The following POLN variants were observed in gnomAD, a reference collection of about 807,000 sequenced individuals.
POLN encodes DNA polymerase N.
Under a neutral mutation model 113.5 loss-of-function variants are expected in POLN, and 108 were observed. The ratio of observed to expected loss-of-function variants is 0.95; its 90% confidence interval spans 0.81 to 1.12. The LOEUF is 1.12. Ranked by LOEUF, POLN falls within the 50% of genes most tolerant of loss-of-function variation. The pLI is 0.00. For missense variants in POLN, 1,097 were observed against 1,077.1 expected, an observed-to-expected ratio of 1.02 and a Z score of -0.26; for synonymous variants, 386 against 391.5, an observed-to-expected ratio of 0.99 and a Z score of 0.17.
chr4:2,239,498 T>C (rs1440785294), intron 2 of POLN, among the ~76,000 whole-genome samples: 1 of 152,224 alleles, frequency 6.6e-6, no homozygotes, highest in African/African-American at 2.4e-5. Flanking sequence ...GATATTCTGA[T>C]TCAGAAAAGT....
At position 2,171,301 on chromosome 4, in the gene POLN, C is replaced by A. The variant is rs954810340; in HGVS notation, c.1375-120G>T. On this transcript the variant is annotated intron_variant, in intron 11 of 25. Transcript: ENST00000511885. ...GGCACGGTGGCTTATGCCTGTGATA[C>A]CAGCCCTTTGGGAGGCTGAGGCAGG... The A allele has an allele frequency of 3.7e-6, 3 of 820,834 alleles. No individual in the cohort carries two copies. In the African/African-American group the frequency reaches 5.3e-5, roughly 14 times the overall value. The allele number at this position is 820,834 out of a possible 1,614,324, so 50.8% of individuals were successfully genotyped here.
intron 3 of POLN, among the ~76,000 whole-genome samples, chr4:2,216,764 T>C (rs998883959): frequency 6.6e-6 from 1 of 152,192 alleles, no homozygotes; most frequent in African/African-American, 2.4e-5. Flanking sequence ...AGGGGTTCAG[T>C]GTTGTCAAAT....
chr4:2,080,599 G>C, intron 23 of POLN: 1 of 1,212,272 alleles, frequency 8.2e-7, no homozygotes, highest in Middle Eastern at 3.6e-4. Context: ...CAGGGGTGGG[G>C]GCAGTTTGGA....
intron 7 of POLN, among the ~76,000 whole-genome samples, chr4:2,183,546 TG>T (rs1733195067): frequency 1.3e-5 from 2 of 152,166 alleles, no homozygotes; most frequent in Non-Finnish European, 2.9e-5. Flanking sequence ...TCAGGCTAAA[TG>T]AAATAAGCTA....
At chr4:2,080,935 CT>C in intron 23 of POLN, 22 bp downstream of exon 23, 1 of 1,613,784 alleles carries the variant, frequency 6.2e-7, no homozygotes, top group Non-Finnish European at 8.5e-7. Flanking sequence ...CATCCAAGCC[CT>C]GGGAGACCAC....
At chr4:2,161,826 A>G (rs201483946) in intron 13 of POLN, among the ~76,000 whole-genome samples, 27 of 152,270 alleles carry the variant, frequency 1.8e-4, no homozygotes, top group East Asian at 5.8e-4. Context: ...GTTTGTAAAT[A>G]CACCAATCAG....
intron 16 of POLN, among the ~76,000 whole-genome samples, chr4:2,145,540 A>G (rs1215217291): frequency 6.6e-6 from 1 of 152,260 alleles, no homozygotes; most frequent in Admixed American, 6.5e-5. Context: ...ACAAATAAAC[A>G]TAAAAATACA....
chr4:2,094,675 T>C (rs1251746712), intron 20 of POLN, among the ~76,000 whole-genome samples: 1 of 152,100 alleles, frequency 6.6e-6, no homozygotes, highest in Admixed American at 6.5e-5. Flanking sequence ...GGTGTTCCCA[T>C]AGAGGGAAGA....
At chr4:2,171,047 A>T in intron 12 of POLN, 51 bp downstream of exon 12, 1 of 1,451,046 alleles carries the variant, frequency 6.9e-7, no homozygotes, top group South Asian at 1.2e-5. Flanking sequence ...ATCTCCCTTT[A>T]ACTCCTGAAT....
chr4:2,081,366 C>A, intron 22 of POLN: 1 of 640,410 alleles, frequency 1.6e-6, no homozygotes, highest in Non-Finnish European at 2.7e-6. Context: ...CCTCAGTTTC[C>A]CACCACAGAG....
chr4:2,119,414 T>C (rs1022178092), intron 19 of POLN, among the ~76,000 whole-genome samples: 5 of 67,354 alleles, frequency 7.4e-5, no homozygotes, highest in Non-Finnish European at 1.5e-4. Flanking sequence ...TGTGTGTGCA[T>C]GTGTGTGCAC....
At chr4:2,116,440 G>T (rs1731319664) in intron 19 of POLN, among the ~76,000 whole-genome samples, 1 of 151,970 alleles carries the variant, frequency 6.6e-6, no homozygotes, top group African/African-American at 2.4e-5. Flanking sequence ...GAGAAGTTCA[G>T]AAAACTGATT....
In POLN at chr4:2,126,116, G is replaced by A. The variant is rs759121881; in HGVS notation, c.1982+1997C>T. ...AGCTGGCCTTGGCTCCTGGTGCCCT[G>A]GACCCCACCATGTGCTGTGCTCGTC... On this transcript the variant is annotated intron_variant, in intron 19 of 25. Transcript: ENST00000511885. The surrounding 1 kb of genome is among the most constrained non-coding windows in gnomAD (Gnocchi z 4.6). Among the ~76,000 whole-genome samples, 6 of 152,142 alleles carry A rather than the reference G, an allele frequency of 3.9e-5. No homozygotes were observed. Among genetic ancestry groups the A allele is most frequent in the Non-Finnish European group, 7.4e-5 (5 of 68,024 alleles).
chr4:2,113,293 G>A (rs1340937444), intron 19 of POLN, among the ~76,000 whole-genome samples: 19 of 149,738 alleles, frequency 1.3e-4, no homozygotes, highest in South Asian at 6.5e-4. Flanking sequence ...GCTAAATGAC[G>A]AGTTAATGGG....
At chr4:2,086,461 C>A (rs1730553006) in intron 20 of POLN, among the ~76,000 whole-genome samples, 1 of 152,094 alleles carries the variant, frequency 6.6e-6, no homozygotes, top group African/African-American at 2.4e-5. Flanking sequence ...GCCTGACCCA[C>A]ATTAAAGCCC....
chr4:2,220,086 G>C (rs1734218282), intron 3 of POLN, among the ~76,000 whole-genome samples: 1 of 151,980 alleles, frequency 6.6e-6, no homozygotes, highest in South Asian at 2.1e-4. Flanking sequence ...TCAACATACT[G>C]TCTCCCAGCT....
chr4:2,156,682 C>G, intron 16 of POLN, 106 bp downstream of exon 16: 3 of 876,810 alleles, frequency 3.4e-6, no homozygotes, highest in Non-Finnish European at 3.8e-6. Context: ...GTATGAAGTC[C>G]CCTCTTGGAA....
intron 24 of POLN, 30 bp downstream of exon 24, chr4:2,075,422 T>C (rs1431973256): frequency 6.2e-7 from 1 of 1,611,794 alleles, no homozygotes; most frequent in East Asian, 2.2e-5. Context: ...GTCTGTGATG[T>C]CCAAGCAACC....
chr4:2,080,961 G>A lies in POLN; in HGVS notation c.2384C>T (p.Ala795Val), dbSNP rs865966968. 6.2e-7 allele frequency: 1 copy of A among 1,613,872 alleles called. No individual in the cohort carries two copies. The highest frequency in any genetic ancestry group is 2.2e-5 in the East Asian group (1 of 44,886). The change falls in exon 23 of 26, where the codon GCC becomes GTC. Residue 795 changes from alanine to valine, a missense_variant. Transcript: ENST00000511885. ...TAVAASHTLTARLVAQIHDEL... is the reference protein window; with the variant it reads ...TAVAASHTLTVRLVAQIHDEL... Reference sequence around the variant, plus strand: ...TGGGAGACCACCACCCACTGACCTGGCCGTCAAGGTGTGGGAAGCAGCCAC... The same window carrying A: ...TGGGAGACCACCACCCACTGACCTGACCGTCAAGGTGTGGGAAGCAGCCAC...
Sources: gnomAD v4.1 joint callset for allele counts (sites outside exome capture counted in the v4.1 genomes callset) on GRCh38, gnomAD v4.1.1 for gene constraint, Gnocchi (gnomAD v3.1) non-coding constraint, MANE v1.5 for transcripts, NCBI Gene and HGNC (gene_info 2026-07-23, HGNC 2026-07-21) for gene names.